Variants in CNTNAP5 observed in about 807,000 individuals in gnomAD.
CNTNAP5 encodes contactin associated protein family member 5.
A neutral mutation model predicts 150.2 loss-of-function variants in CNTNAP5; 72 were observed. The ratio of observed to expected loss-of-function variants is 0.48; its 90% confidence interval spans 0.40 to 0.58. CNTNAP5 has a LOEUF of 0.58. CNTNAP5 is among the 20% of genes least tolerant of loss of function. The pLI, the probability that CNTNAP5 is intolerant of heterozygous loss-of-function variation, is 0.00. For synonymous variants in CNTNAP5, 672 were observed against 619.8 expected (o/e 1.08, Z -1.25); for missense variants, 1,636 against 1,626.2 (o/e 1.01, Z -0.10).
chr2:124,121,029 G>A (rs765155453), intron 1 of CNTNAP5, among the ~76,000 whole-genome samples: 36 of 152,060 alleles, frequency 2.4e-4, no homozygotes, highest in Non-Finnish European at 4.3e-4. Context: ...CTGTATAACA[G>A]ATTTGGATCA....
At chr2:124,909,387 G>C (rs926582212) in intron 22 of CNTNAP5, among the ~76,000 whole-genome samples, 2 of 152,130 alleles carry the variant, frequency 1.3e-5, no homozygotes, top group Non-Finnish European at 2.9e-5. Context: ...GTGTGTCATA[G>C]GCTGTACCAC....
At chr2:124,290,724 T>C (rs1688265340) in intron 3 of CNTNAP5, among the ~76,000 whole-genome samples, 1 of 152,092 alleles carries the variant, frequency 6.6e-6, no homozygotes, top group Non-Finnish European at 1.5e-5. Flanking sequence ...TGTGATGCTG[T>C]TTGTCATGGT....
chr2:124,652,267 C>T (rs186026818), intron 13 of CNTNAP5, among the ~76,000 whole-genome samples: 2 of 152,296 alleles, frequency 1.3e-5, no homozygotes, highest in Admixed American at 6.5e-5. Context: ...CTGCTTGCTG[C>T]TTTCTACTCT....
chr2:124,571,364 C>G (rs949515069), intron 11 of CNTNAP5, among the ~76,000 whole-genome samples: 4 of 151,732 alleles, frequency 2.6e-5, no homozygotes, highest in African/African-American at 9.7e-5. Context: ...TTTTAAGAGA[C>G]TCAAGAAGAG....
At position 124,478,718 on chromosome 2, in the gene CNTNAP5, T is replaced by G. The variant is rs1693699302; in HGVS notation, c.1062+3836T>G. Among the ~76,000 whole-genome samples, 3 of 152,192 alleles carry G rather than the reference T, an allele frequency of 2.0e-5. 1 individual carries two copies. The South Asian group carries it at 6.2e-4, about 32-fold the overall frequency. Reference sequence around the variant, plus strand: ...CTCCATCACTAAGTCACTGTGGTACTAAGTAAGGGCTTTTGGAAGGAATGA... The same window carrying G: ...CTCCATCACTAAGTCACTGTGGTACGAAGTAAGGGCTTTTGGAAGGAATGA... On this transcript the variant is annotated intron_variant, in intron 7 of 23. Coordinates refer to ENST00000682447, the MANE Select transcript of CNTNAP5 (RefSeq NM_001367498.1).
At chr2:124,670,158 T>TTCCTTCCTTCCTTCCC (rs1233341857) in intron 13 of CNTNAP5, among the ~76,000 whole-genome samples, 1 of 134,076 alleles carries the variant, frequency 7.5e-6, no homozygotes, top group Non-Finnish European at 1.6e-5. Flanking sequence ...CCTTCCTTCC[T>TTCCTTCCTTCCTTCCC]TCCTTCCTTC....
At chr2:124,139,025 G>T (rs993237643) in intron 1 of CNTNAP5, among the ~76,000 whole-genome samples, 14 of 151,268 alleles carry the variant, frequency 9.3e-5, no homozygotes, top group Non-Finnish European at 1.6e-4. Flanking sequence ...TCTACAGGAG[G>T]TTCCCTTCCA....
At chr2:124,864,367 A>G (rs1218615217) in intron 19 of CNTNAP5, among the ~76,000 whole-genome samples, 2 of 152,130 alleles carry the variant, frequency 1.3e-5, no homozygotes, top group African/African-American at 4.8e-5. Flanking sequence ...AACATTCAGT[A>G]TTCTCCTTCT....
intron 12 of CNTNAP5, among the ~76,000 whole-genome samples, chr2:124,615,244 G>C (rs1040587446): frequency 6.6e-6 from 1 of 152,184 alleles, no homozygotes; most frequent in African/African-American, 2.4e-5. Flanking sequence ...TTTCTGTGTA[G>C]TGTGTAATTT....
At chr2:124,451,077 T>TATATATATATATATATAC (rs755084840) in intron 6 of CNTNAP5, among the ~76,000 whole-genome samples, 1 of 61,534 alleles carries the variant, frequency 1.6e-5, no homozygotes, top group East Asian at 6.2e-4. Context: ...TATATATATA[T>TATATATATATATATATAC]ACACACACAC....
At chr2:124,447,398 C>A (rs1473681747) in intron 6 of CNTNAP5, among the ~76,000 whole-genome samples, 1 of 152,220 alleles carries the variant, frequency 6.6e-6, no homozygotes, top group African/African-American at 2.4e-5. Context: ...CCGTGGCGAG[C>A]TGTTTCTTCC....
At chr2:124,025,780 C>A in intron 1 of CNTNAP5, 48 bp downstream of exon 1, 1 of 1,429,934 alleles carries the variant, frequency 7.0e-7, no homozygotes, top group Non-Finnish European at 9.9e-7. Flanking sequence ...AAAACGATCG[C>A]ATTCAGAAAG....
intron 13 of CNTNAP5, among the ~76,000 whole-genome samples, chr2:124,700,906 A>G (rs1168530561): frequency 6.6e-6 from 1 of 152,154 alleles, no homozygotes; most frequent in Non-Finnish European, 1.5e-5. Context: ...CAAAAACCAC[A>G]AATACATTTG....
At chr2:124,521,780 T>C (rs1023999129) in intron 8 of CNTNAP5, among the ~76,000 whole-genome samples, 1 of 151,942 alleles carries the variant, frequency 6.6e-6, no homozygotes, top group Non-Finnish European at 1.5e-5. Flanking sequence ...CAAGTGAAAG[T>C]TTTTAAAAAG....
chr2:124,419,553 T>G (rs1227900709), intron 4 of CNTNAP5, among the ~76,000 whole-genome samples: 3 of 152,206 alleles, frequency 2.0e-5, no homozygotes, highest in African/African-American at 7.2e-5. Context: ...AGGAAAGAAC[T>G]CCTGACTTTG....
chr2:124,525,544 C>T (rs1694944760), intron 9 of CNTNAP5, among the ~76,000 whole-genome samples: 1 of 152,188 alleles, frequency 6.6e-6, no homozygotes, highest in Non-Finnish European at 1.5e-5. Context: ...GATCACTTCT[C>T]TCATACCAAT....
rs962308682 is a variant in CNTNAP5, at chr2:124,915,411, C to G, written c.*1123C>G. On this transcript the variant is annotated 3_prime_UTR_variant, in exon 24 of 24. Transcript: ENST00000682447. The stretch of plus-strand genomic sequence containing the variant: ...GAAAAATACCAAACAGAATTCTTCC[C>G]TTCCATTCACTCACTAAAGACCTGG... 6.0e-6 allele frequency: 1 copy of G among 166,326 alleles called. No individual in the cohort carries two copies. Among genetic ancestry groups the G allele is most frequent in the Non-Finnish European group, 1.5e-5 (1 of 68,038 alleles). The allele number at this position is 166,326 out of a possible 1,614,324, so 10.3% of individuals were successfully genotyped here.
chr2:124,642,117 T>C (rs1573516852), intron 12 of CNTNAP5, among the ~76,000 whole-genome samples: 1 of 152,130 alleles, frequency 6.6e-6, no homozygotes. Flanking sequence ...AGGAACAAGG[T>C]AGGTCACACA....
intron 3 of CNTNAP5, among the ~76,000 whole-genome samples, chr2:124,351,536 A>T (rs1193501453): frequency 2.0e-5 from 3 of 152,160 alleles, no homozygotes; most frequent in Non-Finnish European, 4.4e-5. Context: ...GGCATATTGA[A>T]GAAGCTTAAC....
Sources: gnomAD v4.1 joint callset for allele counts (sites outside exome capture counted in the v4.1 genomes callset) on GRCh38, gnomAD v4.1.1 for gene constraint, MANE v1.5 for transcripts, NCBI Gene and HGNC (gene_info 2026-07-23, HGNC 2026-07-21) for gene names.